Variants in TDRD5 observed in about 807,000 individuals in gnomAD.
The protein encoded by TDRD5 is tudor domain containing 5.
A neutral mutation model predicts 120.6 loss-of-function variants in TDRD5; 41 were observed. The observed-to-expected ratio is 0.34, with a 90% CI of 0.26 to 0.44. The LOEUF is 0.44. Ranked by LOEUF, TDRD5 falls within the 20% of genes least tolerant of loss-of-function variation. The pLI is 1.00. For synonymous variants in TDRD5, 430 were observed against 433.7 expected, an observed-to-expected ratio of 0.99 and a Z score of 0.11; for missense variants, 1,006 against 1,221.2, an observed-to-expected ratio of 0.82 and a Z score of 2.63.
intron 7 of TDRD5, among the ~76,000 whole-genome samples, chr1:179,632,433 A>C (rs1438882845): frequency 6.7e-6 from 1 of 149,346 alleles, no homozygotes; most frequent in Non-Finnish European, 1.5e-5. Flanking sequence ...ACCTTTATTG[A>C]TTTTTCTGAT....
At chr1:179,663,532 G>A (rs1489010274) in intron 16 of TDRD5, 41 bp downstream of exon 16, 1 of 1,554,194 alleles carries the variant, frequency 6.4e-7, no homozygotes, top group Non-Finnish European at 8.7e-7. Context: ...GTTTGCATAA[G>A]GAAGTCCTTT....
At chr1:179,628,268 G>A (rs1316928217) in intron 6 of TDRD5, among the ~76,000 whole-genome samples, 1 of 148,832 alleles carries the variant, frequency 6.7e-6, no homozygotes, top group Non-Finnish European at 1.5e-5. Flanking sequence ...TGGAAGGAAA[G>A]TAAGGAGGGT....
chr1:179,630,646 C>A (rs2101999099), intron 6 of TDRD5, 121 bp from the exon 7 acceptor site: 1 of 979,700 alleles, frequency 1.0e-6, no homozygotes, highest in Non-Finnish European at 1.5e-6. Flanking sequence ...TGAGCCTTTA[C>A]TCTGTAATAC....
At chr1:179,627,128 C>T (rs1322370452) in intron 6 of TDRD5, among the ~76,000 whole-genome samples, 1 of 152,206 alleles carries the variant, frequency 6.6e-6, no homozygotes. Flanking sequence ...ATACTCAAAA[C>T]ATGAGCCAAA....
intron 17 of TDRD5, 83 bp from the exon 18 acceptor site, chr1:179,690,613 T>G: frequency 6.6e-7 from 1 of 1,524,876 alleles, no homozygotes. Flanking sequence ...TAACACATAT[T>G]AGTATAGAAC....
chr1:179,612,297 A>G (rs575586306), intron 4 of TDRD5, among the ~76,000 whole-genome samples: 1 of 152,166 alleles, frequency 6.6e-6, no homozygotes, highest in African/African-American at 2.4e-5. Context: ...TTTGTATCCC[A>G]CCCCTGCCCA....
intron 17 of TDRD5, among the ~76,000 whole-genome samples, chr1:179,687,305 G>A (rs1197030070): frequency 6.6e-6 from 1 of 152,204 alleles, no homozygotes; most frequent in East Asian, 1.9e-4. Flanking sequence ...TATGTACCCA[G>A]TAGTCATTCA....
rs192064271 is a variant in TDRD5, at chr1:179,603,559, G to A, written c.831+7741G>A. Among the ~76,000 whole-genome samples the A allele has an allele frequency of 9.0e-4, 137 of 152,168 alleles. 1 individual carries two copies. Among genetic ancestry groups the A allele is most frequent in the East Asian group, 3.9e-3 (20 of 5,182 alleles). On this transcript the variant is annotated intron_variant, in intron 4 of 17. Coordinates refer to ENST00000444136, the MANE Select transcript of TDRD5 (RefSeq NM_001199085.3). ...CATTGAGCTATGTCCCTTGTGTACC[G>A]ATTTTGCTGAGAGTTTTAATCATAA...
At chr1:179,654,555 A>G (rs1409150007) in intron 14 of TDRD5, among the ~76,000 whole-genome samples, 193 bp downstream of exon 14, 1 of 152,140 alleles carries the variant, frequency 6.6e-6, no homozygotes, top group African/African-American at 2.4e-5. Flanking sequence ...ACTTGAGGTC[A>G]GGAGTTCAAG....
intron 1 of TDRD5, chr1:179,592,350 A>G: frequency 2.4e-6 from 1 of 413,576 alleles, no homozygotes; most frequent in Admixed American, 3.8e-5. Flanking sequence ...AACACCCGAC[A>G]GGAACCCCAG....
intron 14 of TDRD5, among the ~76,000 whole-genome samples, chr1:179,655,734 CATTCAGTAT>C (rs1678972956): frequency 6.6e-6 from 1 of 152,146 alleles, no homozygotes. Context: ...TGGCTTCTTT[CATTCAGTAT>C]ATTTCTGTAC....
chr1:179,626,319 C>T (rs920836220), intron 6 of TDRD5, among the ~76,000 whole-genome samples: 1 of 152,062 alleles, frequency 6.6e-6, no homozygotes, highest in Admixed American at 6.6e-5. Flanking sequence ...CAGCAGCATA[C>T]TGTAGAATGT....
intron 4 of TDRD5, among the ~76,000 whole-genome samples, chr1:179,605,456 G>A (rs867264221): frequency 7.2e-5 from 11 of 152,100 alleles, no homozygotes; most frequent in South Asian, 2.1e-4. Context: ...TCTCTCAGCC[G>A]TGAATACCAG....
chr1:179,688,028 C>T (rs1343839174), intron 17 of TDRD5, among the ~76,000 whole-genome samples: 1 of 152,144 alleles, frequency 6.6e-6, no homozygotes, highest in Non-Finnish European at 1.5e-5. Context: ...TTAATTGGAG[C>T]ATTTAGCCCA....
intron 4 of TDRD5, among the ~76,000 whole-genome samples, chr1:179,607,106 CT>C (rs1488845786): frequency 2.0e-5 from 3 of 152,038 alleles, no homozygotes; most frequent in African/African-American, 7.2e-5. Flanking sequence ...TCTTTGATAT[CT>C]TTCATCAGAG....
chr1:179,638,158 T>TACCCA (rs1553327630), intron 9 of TDRD5, among the ~76,000 whole-genome samples: 2 of 132,456 alleles, frequency 1.5e-5, no homozygotes, highest in Non-Finnish European at 1.7e-5. Flanking sequence ...CATGGGAAGA[T>TACCCA]GTTTTCTCTT....
At chr1:179,660,413 G>A (rs1679249513) in intron 14 of TDRD5, among the ~76,000 whole-genome samples, 1 of 150,886 alleles carries the variant, frequency 6.6e-6, no homozygotes, top group Non-Finnish European at 1.5e-5. Context: ...GTAGAGACGG[G>A]GTTTCACCGT....
At chr1:179,665,842 A>G (rs1343349098) in intron 16 of TDRD5, among the ~76,000 whole-genome samples, 2 of 152,110 alleles carry the variant, frequency 1.3e-5, no homozygotes, top group Non-Finnish European at 2.9e-5. Flanking sequence ...ACCTGTACTT[A>G]CCATGCAGGT....
chr1:179,671,322 T>C (rs1679842740), intron 17 of TDRD5, among the ~76,000 whole-genome samples: 1 of 152,218 alleles, frequency 6.6e-6, no homozygotes, highest in African/African-American at 2.4e-5. Flanking sequence ...ATAGGTCCTT[T>C]GATTTTCACA....
Sources: allele counts gnomAD v4.1 joint callset (sites outside exome capture counted in the v4.1 genomes callset), GRCh38; gene constraint gnomAD v4.1.1; transcripts MANE v1.5; gene names NCBI Gene and HGNC (gene_info 2026-07-23, HGNC 2026-07-21).